Variants in RPAP3 observed in about 807,000 individuals in gnomAD.
RPAP3 encodes the protein RNA polymerase II-associated protein 3.
A neutral mutation model predicts 88.8 loss-of-function variants in RPAP3; 58 were observed. The observed-to-expected ratio is 0.65, with a 90% confidence interval of 0.53 to 0.81. RPAP3 has a LOEUF of 0.81. Ranked by LOEUF, RPAP3 falls within the 40% of genes least tolerant of loss-of-function variation. RPAP3 has a pLI of 0.00. For synonymous variants in RPAP3, 255 were observed against 259.9 expected, an observed-to-expected ratio of 0.98 and a Z score of 0.18; for missense variants, 751 against 764.3, an observed-to-expected ratio of 0.98 and a Z score of 0.20.
At chr12:47,704,726 C>G (rs922148013) in intron 1 of RPAP3, among the ~76,000 whole-genome samples, 1 of 151,670 alleles carries the variant, frequency 6.6e-6, no homozygotes, top group Non-Finnish European at 1.5e-5. Flanking sequence ...GAAGGCCAAC[C>G]GCAGGTGGCT....
rs530860357 is a variant in RPAP3 at position 47,694,486 on chromosome 12, T to C, written c.545+1790A>G. Among the ~76,000 whole-genome samples the C allele has an allele frequency of 6.6e-5, 10 of 152,302 alleles. No homozygotes were observed. In the South Asian group the frequency reaches 2.1e-3, roughly 32 times the overall value. On this transcript the variant is annotated intron_variant, in intron 5 of 16. Coordinates refer to ENST00000005386, the MANE Select transcript of RPAP3 (RefSeq NM_024604.3). Reference sequence around the variant, plus strand: ...AACAAATCATTTTATAAAGTCCTAATCTTTTTAAAAAATCAAGAAGTTGAA... The same window carrying C: ...AACAAATCATTTTATAAAGTCCTAACCTTTTTAAAAAATCAAGAAGTTGAA...
chr12:47,667,364 CT>C (rs1390090209), intron 15 of RPAP3, among the ~76,000 whole-genome samples: 1 of 152,132 alleles, frequency 6.6e-6, no homozygotes, highest in Admixed American at 6.5e-5. Flanking sequence ...TTTTTCCTCC[CT>C]TTTAAACTTT....
At chr12:47,673,324 T>A (rs976912919) in intron 12 of RPAP3, among the ~76,000 whole-genome samples, 3 of 151,378 alleles carry the variant, frequency 2.0e-5, no homozygotes, top group African/African-American at 7.3e-5. Context: ...GTGCCTGTAA[T>A]CCCAGCTACC....
intron 16 of RPAP3, among the ~76,000 whole-genome samples, chr12:47,666,133 T>C (rs532319392): frequency 6.6e-6 from 1 of 151,820 alleles, no homozygotes; most frequent in South Asian, 2.1e-4. Context: ...AAAGACACAC[T>C]GGTATGTGAA....
chr12:47,674,745 T>C (rs570267064), intron 12 of RPAP3, among the ~76,000 whole-genome samples: 27 of 152,240 alleles, frequency 1.8e-4, no homozygotes, highest in African/African-American at 6.5e-4. Context: ...TATGGGACTA[T>C]GTGAAAAGAG....
In RPAP3 at chr12:47,679,782, G is replaced by A. The variant is rs761543568; in HGVS notation, c.1115-8C>T. The A allele has an allele frequency of 2.5e-6, 4 of 1,588,154 alleles. No individual in the cohort carries two copies. The highest frequency in any genetic ancestry group is 2.2e-5 in the East Asian group (1 of 44,526). On this transcript the variant is annotated splice_region_variant and splice_polypyrimidine_tract_variant and intron_variant, in intron 10 of 16. Transcript: ENST00000005386. ...GTAAAACAGTTTCAAAATCTAAAGC[G>A]AATTTTTTAAAAACATTACAACATA...
At chr12:47,685,336 AC>A (rs552262225) in intron 9 of RPAP3, among the ~76,000 whole-genome samples, 91 of 149,944 alleles carry the variant, frequency 6.1e-4, no homozygotes, top group African/African-American at 2.1e-3. Flanking sequence ...CCAAAATTAC[AC>A]CACTGCACTC....
At chr12:47,702,422 T>A (rs1427285753) in intron 2 of RPAP3, among the ~76,000 whole-genome samples, 1 of 149,708 alleles carries the variant, frequency 6.7e-6, no homozygotes, top group Non-Finnish European at 1.5e-5. Context: ...GGCGTGGTGG[T>A]GCACGCCTGT....
intron 4 of RPAP3, 88 bp from the exon 5 acceptor site, chr12:47,696,491 T>C (rs1939530328): frequency 3.7e-6 from 3 of 809,466 alleles, no homozygotes; most frequent in Non-Finnish European, 5.4e-6. Context: ...TTGAAGTGCA[T>C]GGGTCCACTT....
chr12:47,697,761 T>C, intron 3 of RPAP3, 42 bp from the exon 4 acceptor site: 1 of 1,540,778 alleles, frequency 6.5e-7, no homozygotes, highest in Middle Eastern at 1.7e-4. Flanking sequence ...AATTATATGA[T>C]TAGGAAAAAA....
intron 16 of RPAP3, among the ~76,000 whole-genome samples, chr12:47,665,096 T>A (rs1272898094): frequency 1.3e-5 from 2 of 151,346 alleles, no homozygotes; most frequent in Admixed American, 6.6e-5. Context: ...TGGTAATTTT[T>A]TTTTTTTTTT....
rs562312919 is a variant in RPAP3, at chr12:47,697,106, A to C, written c.417+491T>G. Among the ~76,000 whole-genome samples, 5 of 152,358 alleles carry C rather than the reference A, an allele frequency of 3.3e-5. No homozygotes were observed. In the South Asian group the frequency reaches 6.2e-4, roughly 19 times the overall value. On this transcript the variant is annotated intron_variant, in intron 4 of 16. Coordinates refer to ENST00000005386, the MANE Select transcript of RPAP3 (RefSeq NM_024604.3). ...AGAGTTCCACCTTTGTGAAAGTAAT[A>C]TAGCTGGTTTTATAATAATGAGGCA...
chr12:47,680,385 C>T (rs1048455247), intron 10 of RPAP3, among the ~76,000 whole-genome samples: 4 of 151,952 alleles, frequency 2.6e-5, no homozygotes, highest in Non-Finnish European at 4.4e-5. Flanking sequence ...GTGGTGATGG[C>T]TGCACAATGT....
chr12:47,666,281 AAAG>A (rs1027482822), intron 16 of RPAP3, among the ~76,000 whole-genome samples: 3 of 152,220 alleles, frequency 2.0e-5, no homozygotes, highest in African/African-American at 7.2e-5. Context: ...TGGAAATAAA[AAAG>A]AAATACAATT....
Position 47,663,545 on chromosome 12 carries a change from T to C in RPAP3, c.1958A>G (p.Asp653Gly). Residue 653 changes from aspartate (D) to glycine (G), a missense_variant, in exon 17 of 17, where the codon GAT (aspartate) becomes GGT (glycine). Coordinates refer to ENST00000005386, the MANE Select transcript of RPAP3 (RefSeq NM_024604.3). ...FNHIDKSGLKDSSVEELKKRY... is the reference protein window; with the variant it reads ...FNHIDKSGLKGSSVEELKKRY... The stretch of plus-strand genomic sequence containing the variant: ...TTTCTTGAGTTCTTCGACAGAACTA[T>C]CCTTCAATCCTGACTTGTCTATGTG... The C allele has an allele frequency of 6.3e-7, 1 of 1,591,614 alleles. No homozygotes were observed. The highest frequency in any genetic ancestry group is 8.5e-7 in the Non-Finnish European group (1 of 1,170,306).
chr12:47,667,771 C>T lies in RPAP3; in HGVS notation c.1794G>A (p.Leu598=), dbSNP rs1173964310. ...TGACTTACTCAATGTAAAAGTCATG[C>T]AGAATTTTAACGATCTGGTTGAATA... ...PDVFNQIVKI[L]HDFYIEKEKP... Residue 598 remains leucine (L), a synonymous_variant, in exon 15 of 17, where the codon CTG becomes CTA. Transcript: ENST00000005386. 2.5e-6 allele frequency: 4 copies of T among 1,596,416 alleles called. No individual in the cohort carries two copies. In the East Asian group the frequency reaches 6.7e-5, roughly 27 times the overall value.
Position 47,701,469 on chromosome 12 carries a change from C to A in RPAP3, c.289G>T (p.Asp97Tyr). 6.4e-7 allele frequency: 1 copy of A among 1,558,750 alleles called. No individual in the cohort carries two copies. The highest frequency in any genetic ancestry group is 1.3e-5 in the South Asian group (1 of 79,066). ...SYDYEAWAKL[D>Y]VDRILDELDK... ...AAATGACTAGATTAACTTACCACAT[C>A]AAGTTTTGCCCATGCCTCATAATCA... The change falls in exon 3 of 17, where the codon GAT becomes TAT. Residue 97 changes from aspartate (D) to tyrosine (Y), a missense_variant. Coordinates refer to ENST00000005386, the MANE Select transcript of RPAP3 (RefSeq NM_024604.3).
chr12:47,701,872 T>C (rs918799899), intron 2 of RPAP3, among the ~76,000 whole-genome samples: 5 of 152,188 alleles, frequency 3.3e-5, no homozygotes, highest in Non-Finnish European at 5.9e-5. Flanking sequence ...CAATCCTAAA[T>C]TCAAACTTCA....
At chr12:47,665,920 G>A (rs994692129) in intron 16 of RPAP3, among the ~76,000 whole-genome samples, 5 of 152,012 alleles carry the variant, frequency 3.3e-5, no homozygotes, top group African/African-American at 1.2e-4. Flanking sequence ...GAGCCACCAT[G>A]CCTGGCCTAA....
Sources: allele counts gnomAD v4.1 joint callset (sites outside exome capture counted in the v4.1 genomes callset), GRCh38; gene constraint gnomAD v4.1.1; transcripts MANE v1.5; gene names NCBI Gene and HGNC (gene_info 2026-07-23, HGNC 2026-07-21).